PKNOX2: variants seen among roughly 807,000 people sequenced by gnomAD.
PKNOX2 encodes PBX/knotted 1 homeobox 2, also known as homeobox protein PKNOX2.
In PKNOX2, 14 loss-of-function variants were observed where a neutral mutation model predicts 53.1. The observed-to-expected ratio is 0.26, with a 90% CI of 0.17 to 0.41. The LOEUF (loss-of-function observed/expected upper bound fraction) is 0.41, where lower values mean the gene tolerates loss of function less well. Among genes scored for constraint, PKNOX2 ranks in the 10% least tolerant of loss-of-function variants. The probability of loss-of-function intolerance (pLI) is 1.00; values close to 1 mark genes in which losing one functional copy is unlikely to be tolerated. For missense variants in PKNOX2, 496 were observed against 602.8 expected (o/e 0.82, Z 1.85); for synonymous variants, 257 against 242.8 (o/e 1.06, Z -0.54).
intron 1 of PKNOX2, among the ~76,000 whole-genome samples, chr11:125,195,502 G>T (rs1260012936): frequency 6.6e-6 from 1 of 152,156 alleles, no homozygotes; most frequent in Middle Eastern, 3.2e-3. Flanking sequence ...CTTGGGGACG[G>T]TCGAGGGTCC....
At chr11:125,378,680 C>T (rs1952995377) in intron 5 of PKNOX2, among the ~76,000 whole-genome samples, 1 of 152,146 alleles carries the variant, frequency 6.6e-6, no homozygotes, top group African/African-American at 2.4e-5. Context: ...GCAGTCCTGG[C>T]CAAGGTCACA....
At chr11:125,197,620 G>A (rs1000739099) in intron 1 of PKNOX2, among the ~76,000 whole-genome samples, 1 of 152,168 alleles carries the variant, frequency 6.6e-6, no homozygotes, top group African/African-American at 2.4e-5. Context: ...ACACAGGTCT[G>A]CCTCAAACCC....
intron 2 of PKNOX2, among the ~76,000 whole-genome samples, chr11:125,259,393 A>G (rs1166179964): frequency 2.0e-5 from 3 of 152,160 alleles, no homozygotes; most frequent in African/African-American, 4.8e-5. Context: ...TTATTCTGTA[A>G]TAAGTGACCA....
intron 1 of PKNOX2, among the ~76,000 whole-genome samples, chr11:125,189,778 G>A (rs562642686): frequency 2.6e-5 from 4 of 151,358 alleles, no homozygotes; most frequent in Admixed American, 6.6e-5. Flanking sequence ...AAATTTTTTC[G>A]GTCTTCTAGG....
At chr11:125,293,712 T>C (rs990247577) in intron 2 of PKNOX2, among the ~76,000 whole-genome samples, 1 of 151,896 alleles carries the variant, frequency 6.6e-6, no homozygotes, top group Admixed American at 6.6e-5. Context: ...GTTCCTTTTA[T>C]TTGGAGTAGT....
At chr11:125,268,658 G>A (rs1156986961) in intron 2 of PKNOX2, among the ~76,000 whole-genome samples, 2 of 152,204 alleles carry the variant, frequency 1.3e-5, no homozygotes, top group African/African-American at 4.8e-5. Context: ...GTTGGCCTTA[G>A]AATAAAAGCT....
At chr11:125,328,963 A>T (rs1316508728) in intron 2 of PKNOX2, among the ~76,000 whole-genome samples, 1 of 152,236 alleles carries the variant, frequency 6.6e-6, no homozygotes, top group Non-Finnish European at 1.5e-5. Context: ...ATTCCTTAAG[A>T]CGAACACACC....
chr11:125,168,966 T>C (rs1955085099), intron 1 of PKNOX2, among the ~76,000 whole-genome samples: 1 of 152,246 alleles, frequency 6.6e-6, no homozygotes. Context: ...CTCAGGCTTT[T>C]GTTCCCGATT....
rs772866167 is a variant in PKNOX2, at chr11:125,429,071, C to A, written c.996C>A (p.Leu332=). The change falls in exon 11 of 13, where the codon CTC becomes CTA. Residue 332 remains leucine (L), a synonymous_variant. Transcript: ENST00000298282. Reference sequence around the variant, plus strand: ...TCGCAGCCCAGACCAACCTCACCCTCCTGCAAGTAAACAACTGGTGAGTTT... The same window carrying A: ...TCGCAGCCCAGACCAACCTCACCCTACTGCAAGTAAACAACTGGTGAGTTT... ...RQIAAQTNLT[L]LQVNNWFINA... The A allele has an allele frequency of 1.9e-5, 30 of 1,613,106 alleles. No individual in the cohort carries two copies. The South Asian group carries it at 3.1e-4, about 17-fold the overall frequency.
chr11:125,314,585 G>T (rs551245930), intron 2 of PKNOX2, among the ~76,000 whole-genome samples: 1 of 152,108 alleles, frequency 6.6e-6, no homozygotes, highest in Non-Finnish European at 1.5e-5. Context: ...AGGGGACAAG[G>T]CTTCGTACTT....
At chr11:125,214,907 G>A (rs1056659505) in intron 1 of PKNOX2, among the ~76,000 whole-genome samples, 4 of 152,032 alleles carry the variant, frequency 2.6e-5, no homozygotes, top group African/African-American at 7.2e-5. Flanking sequence ...CAGGCAGCCT[G>A]TGGGCCTGGG....
intron 7 of PKNOX2, among the ~76,000 whole-genome samples, chr11:125,402,075 C>G (rs185225114): frequency 6.6e-6 from 1 of 152,174 alleles, no homozygotes; most frequent in East Asian, 1.9e-4. Flanking sequence ...CCATCCAGAT[C>G]GATGGGTTGA....
At chr11:125,423,019 T>G (rs1464056830) in intron 10 of PKNOX2, among the ~76,000 whole-genome samples, 8 of 151,932 alleles carry the variant, frequency 5.3e-5, no homozygotes, top group Non-Finnish European at 1.5e-5. Context: ...TATTAACTCA[T>G]TTACTGATAC....
chr11:125,276,586 G>A (rs1203345888), intron 2 of PKNOX2, among the ~76,000 whole-genome samples: 2 of 152,194 alleles, frequency 1.3e-5, no homozygotes, highest in Admixed American at 6.5e-5. Flanking sequence ...AGGGCTTGTT[G>A]ATGGGAAGAT....
intron 6 of PKNOX2, among the ~76,000 whole-genome samples, chr11:125,394,878 A>T (rs115840565): frequency 6.6e-6 from 1 of 152,212 alleles, no homozygotes; most frequent in Admixed American, 6.5e-5. Context: ...CCTGATTCAC[A>T]TCTTGTATAA....
chr11:125,213,846 G>A (rs1267038293), intron 1 of PKNOX2, among the ~76,000 whole-genome samples: 1 of 152,020 alleles, frequency 6.6e-6, no homozygotes, highest in Non-Finnish European at 1.5e-5. Flanking sequence ...GTGAGATGGT[G>A]CGCACAGAGG....
chr11:125,192,696 A>G (rs1399554459), intron 1 of PKNOX2, among the ~76,000 whole-genome samples: 1 of 152,150 alleles, frequency 6.6e-6, no homozygotes, highest in Non-Finnish European at 1.5e-5. Context: ...CATTTTCTGG[A>G]TGGGGAACCC....
At chr11:125,251,871 GT>G (rs1005292453) in intron 2 of PKNOX2, among the ~76,000 whole-genome samples, 125 of 146,030 alleles carry the variant, frequency 8.6e-4, no homozygotes, top group African/African-American at 2.0e-3. Context: ...TATCAATCAA[GT>G]TTTTTTTTTT....
At chr11:125,311,112 A>T (rs1470097358) in intron 2 of PKNOX2, among the ~76,000 whole-genome samples, 6 of 151,900 alleles carry the variant, frequency 3.9e-5, no homozygotes, top group African/African-American at 1.5e-4. Flanking sequence ...GGCCCAGCCT[A>T]CTCTTTTGTG....
Sources: gnomAD v4.1 joint callset for allele counts (sites outside exome capture counted in the v4.1 genomes callset) on GRCh38, gnomAD v4.1.1 for gene constraint, MANE v1.5 for transcripts, NCBI Gene and HGNC (gene_info 2026-07-23, HGNC 2026-07-21) for gene names.